Variants in LRRC37A2 observed in about 807,000 individuals in gnomAD.
The protein encoded by LRRC37A2 is leucine-rich repeat-containing protein 37A2.
Under a neutral mutation model 68.8 loss-of-function variants are expected in LRRC37A2, and 9 were observed. The ratio of observed to expected loss-of-function variants is 0.13; its 90% CI spans 0.08 to 0.23. The LOEUF (loss-of-function observed/expected upper bound fraction) is 0.23. LRRC37A2 is among the 10% of genes least tolerant of loss of function. The pLI is 1.00. For synonymous variants in LRRC37A2, 63 were observed against 367.6 expected (o/e 0.17, Z 9.48); for missense variants, 168 against 950.4 (o/e 0.18, Z 10.82).
the LRRC37A2 span, among the ~76,000 whole-genome samples, chr17:46,896,442 GAA>G: frequency 2.0e-3 from 142 of 69,560 alleles, 3 homozygotes; most frequent in African/African-American, 5.4e-3. Context: ...AAGAAAGAAA[GAA>G]AGAAAGAAAA....
At chr17:46,952,932 C>T in the LRRC37A2 span, 1 of 152,176 alleles carries the variant, frequency 6.6e-6, no homozygotes, top group Non-Finnish European at 1.5e-5. Context: ...TTCTCTCCTC[C>T]CAAGATACCC....
the LRRC37A2 span, among the ~76,000 whole-genome samples, chr17:46,865,705 T>C: frequency 1.3e-5 from 2 of 152,112 alleles, no homozygotes; most frequent in Admixed American, 6.5e-5. Flanking sequence ...AGCCTTGACC[T>C]CCTGGGCTCA....
the LRRC37A2 span, among the ~76,000 whole-genome samples, chr17:46,782,861 C>A: frequency 6.6e-6 from 1 of 152,228 alleles, no homozygotes; most frequent in African/African-American, 2.4e-5. Flanking sequence ...CACATGTGCA[C>A]CCTGCGGGTA....
the LRRC37A2 span, among the ~76,000 whole-genome samples, chr17:46,605,993 TACAAAAAAAA>T: frequency 1.3e-3 from 1 of 762 alleles, no homozygotes; most frequent in East Asian, 0.022. Context: ...CTACTAAAAA[TACAAAAAAAA>T]AAAAAAAAAA....
the LRRC37A2 span, chr17:46,820,969 A>C: frequency 6.7e-6 from 1 of 150,108 alleles, no homozygotes; most frequent in Non-Finnish European, 1.5e-5. Flanking sequence ...GGGCCTCAAG[A>C]CTCCACAGGT....
chr17:46,751,402 T>A, the LRRC37A2 span: 1 of 807,764 alleles, frequency 1.2e-6, no homozygotes, highest in Admixed American at 2.2e-5. Context: ...CTTGAACAGT[T>A]AGGTAGTTCT....
chr17:46,748,236 C>G, the LRRC37A2 span, among the ~76,000 whole-genome samples: 1 of 152,104 alleles, frequency 6.6e-6, no homozygotes, highest in Non-Finnish European at 1.5e-5. Flanking sequence ...CTCAACCTCC[C>G]AAGTAGCTGG....
the LRRC37A2 span, among the ~76,000 whole-genome samples, chr17:46,492,788 G>A: frequency 6.7e-6 from 1 of 148,176 alleles, no homozygotes; most frequent in Admixed American, 6.7e-5. Flanking sequence ...CCGCCTCCCG[G>A]GTTCATGCCA....
chr17:46,964,492 G>A, the LRRC37A2 span: 1 of 152,386 alleles, frequency 6.6e-6, no homozygotes, highest in Non-Finnish European at 1.5e-5. Context: ...CAGCACCACG[G>A]ACAGCTTCGC....
At chr17:46,914,525 C>T in the LRRC37A2 span, among the ~76,000 whole-genome samples, 1 of 151,672 alleles carries the variant, frequency 6.6e-6, no homozygotes, top group Non-Finnish European at 1.5e-5. Flanking sequence ...GTGGTGCATG[C>T]CTGTAGTCCC....
At chr17:46,886,564 A>C in the LRRC37A2 span, 1 of 152,104 alleles carries the variant, frequency 6.6e-6, no homozygotes, top group Non-Finnish European at 1.5e-5. Flanking sequence ...TGGCCAGGTG[A>C]TTCAATTAAG....
chr17:46,494,663 G>C, the LRRC37A2 span, among the ~76,000 whole-genome samples: 2 of 151,462 alleles, frequency 1.3e-5, 1 homozygote, highest in African/African-American at 4.9e-5. Flanking sequence ...ATTTTGTTGT[G>C]GTCGTTGTTC....
At chr17:46,923,191 A>G in the LRRC37A2 span, 8 of 1,544,620 alleles carry the variant, frequency 5.2e-6, no homozygotes, top group Middle Eastern at 1.7e-4. Flanking sequence ...GGGGCCGGCG[A>G]CATGGATCCC....
chr17:46,956,582 G>A, the LRRC37A2 span, among the ~76,000 whole-genome samples: 14 of 152,182 alleles, frequency 9.2e-5, no homozygotes, highest in Admixed American at 2.0e-4. Flanking sequence ...GATTACAGGC[G>A]TGAGCCACCG....
At chr17:46,622,407 G>A in the LRRC37A2 span, among the ~76,000 whole-genome samples, 8 of 150,540 alleles carry the variant, frequency 5.3e-5, no homozygotes, top group African/African-American at 7.4e-5. Context: ...GCAGTAAGCC[G>A]ATATCGCACC....
At chr17:46,782,130 C>A in the LRRC37A2 span, among the ~76,000 whole-genome samples, 1 of 152,236 alleles carries the variant, frequency 6.6e-6, no homozygotes, top group Admixed American at 6.5e-5. Context: ...AGGGCCAAGT[C>A]TCCCCAAGTC....
At chr17:46,541,345 A>C (rs1416092942) in intron 8 of LRRC37A2, among the ~76,000 whole-genome samples, 3 of 149,160 alleles carry the variant, frequency 2.0e-5, no homozygotes, top group Admixed American at 6.6e-5. Context: ...TCCACCTCCC[A>C]GGTTCAAGTG....
the LRRC37A2 span, chr17:46,935,148 G>A: frequency 1.2e-6 from 2 of 1,614,128 alleles, no homozygotes; most frequent in Non-Finnish European, 1.7e-6. Context: ...ATGGACTGAG[G>A]ACCCAGAGAC....
At chr17:46,864,267 G>A in the LRRC37A2 span, among the ~76,000 whole-genome samples, 1 of 152,194 alleles carries the variant, frequency 6.6e-6, no homozygotes, top group Non-Finnish European at 1.5e-5. Flanking sequence ...CTTGCCACCA[G>A]GAGTGCGGTT....
Sources: gnomAD v4.1 joint callset for allele counts (sites outside exome capture counted in the v4.1 genomes callset) on GRCh38, gnomAD v4.1.1 for gene constraint, MANE v1.5 for transcripts, NCBI Gene and HGNC (gene_info 2026-07-23, HGNC 2026-07-21) for gene names.